Variants in DLGAP2 observed in about 807,000 individuals in gnomAD.
The protein encoded by DLGAP2 is disks large-associated protein 2.
A neutral mutation model predicts 100.3 loss-of-function variants in DLGAP2; 26 were observed. The observed-to-expected ratio is 0.26, with a 90% CI of 0.19 to 0.36. DLGAP2 has a LOEUF of 0.36. DLGAP2 is among the 10% of genes least tolerant of loss of function. The probability of loss-of-function intolerance (pLI) is 1.00; values close to 1 mark genes in which losing one functional copy is unlikely to be tolerated. For missense variants in DLGAP2, 1,858 were observed against 1,453.2 expected (o/e 1.28, Z -4.53); for synonymous variants, 886 against 630.1 (o/e 1.41, Z -6.08).
chr8:1,191,382 G>C (rs1300619191), intron 2 of DLGAP2, among the ~76,000 whole-genome samples: 5 of 152,074 alleles, frequency 3.3e-5, no homozygotes, highest in African/African-American at 7.3e-5. Flanking sequence ...GTGTTAGCCA[G>C]GATGGTCTTG....
chr8:1,150,290 T>C (rs1228246451), intron 2 of DLGAP2, among the ~76,000 whole-genome samples: 1 of 152,254 alleles, frequency 6.6e-6, no homozygotes, highest in Non-Finnish European at 1.5e-5. Flanking sequence ...TTTAAAGCTG[T>C]CATTACACTG....
chr8:1,480,570 C>A (rs1799061600), intron 3 of DLGAP2, among the ~76,000 whole-genome samples: 1 of 152,184 alleles, frequency 6.6e-6, no homozygotes, highest in African/African-American at 2.4e-5. Context: ...AAAGAACAGG[C>A]TGGACGCAGT....
chr8:1,320,754 G>A (rs1186086772), intron 3 of DLGAP2, among the ~76,000 whole-genome samples: 3 of 152,174 alleles, frequency 2.0e-5, no homozygotes, highest in Middle Eastern at 3.2e-3. Context: ...CAACTCCTGC[G>A]GTCTTCCCCC....
intron 6 of DLGAP2, among the ~76,000 whole-genome samples, chr8:1,589,795 C>T (rs1796236869): frequency 6.6e-6 from 1 of 152,154 alleles, no homozygotes; most frequent in African/African-American, 2.4e-5. Context: ...ACCGGGGAAT[C>T]CCTTGCCTTG....
At chr8:1,070,344 A>T (rs1405170671) in intron 2 of DLGAP2, among the ~76,000 whole-genome samples, 2 of 152,190 alleles carry the variant, frequency 1.3e-5, no homozygotes, top group Non-Finnish European at 2.9e-5. Flanking sequence ...CCTGGTGAGC[A>T]GCGGCTGACA....
chr8:846,288 T>C (rs1797070269), intron 1 of DLGAP2, among the ~76,000 whole-genome samples: 1 of 152,166 alleles, frequency 6.6e-6, no homozygotes, highest in African/African-American at 2.4e-5. Flanking sequence ...TGCCATCTCC[T>C]CCTCCCACAC....
chr8:1,163,705 G>A (rs1022007207), intron 2 of DLGAP2, among the ~76,000 whole-genome samples: 24 of 152,226 alleles, frequency 1.6e-4, no homozygotes, highest in Non-Finnish European at 2.1e-4. Context: ...TAATGACTGG[G>A]CACATTCGGT....
intron 2 of DLGAP2, among the ~76,000 whole-genome samples, chr8:1,054,772 A>G (rs1425067896): frequency 2.6e-5 from 4 of 152,172 alleles, no homozygotes; most frequent in Non-Finnish European, 5.9e-5. Context: ...ACTGGACAAG[A>G]CCTTAAAAAA....
chr8:1,450,613 T>A (rs1048742545), intron 3 of DLGAP2, among the ~76,000 whole-genome samples: 12 of 151,860 alleles, frequency 7.9e-5, no homozygotes, highest in Admixed American at 3.9e-4. Context: ...CTGCCTACCT[T>A]TTTTCCTTTC....
intron 2 of DLGAP2, among the ~76,000 whole-genome samples, chr8:1,216,681 C>G (rs1166624929): frequency 6.6e-6 from 1 of 151,930 alleles, no homozygotes; most frequent in Admixed American, 6.6e-5. Flanking sequence ...TAGTTTTTGC[C>G]TTAAACTGCA....
At chr8:1,340,301 C>T (rs747932815) in intron 3 of DLGAP2, among the ~76,000 whole-genome samples, 69 of 152,248 alleles carry the variant, frequency 4.5e-4, no homozygotes, top group Admixed American at 7.2e-4. Context: ...AAACAGGCAA[C>T]CTACAGAATG....
chr8:1,538,767 C>G (rs1452456808), intron 4 of DLGAP2, among the ~76,000 whole-genome samples: 2 of 152,150 alleles, frequency 1.3e-5, no homozygotes, highest in Admixed American at 6.5e-5. Flanking sequence ...GTGGCCACAG[C>G]CACTCAGAAC....
chr8:985,209 G>C (rs888371956), intron 2 of DLGAP2, among the ~76,000 whole-genome samples: 5 of 152,192 alleles, frequency 3.3e-5, no homozygotes, highest in South Asian at 2.1e-4. Context: ...CAGTGGAAAT[G>C]AGTCAAGATA....
In DLGAP2 at chr8:1,600,286, T is replaced by C. The variant is rs564205879; in HGVS notation, c.1443-26454T>C. Among the ~76,000 whole-genome samples, 4 of 152,328 alleles carry C rather than the reference T, an allele frequency of 2.6e-5. No homozygotes were observed. The South Asian group carries it at 8.3e-4, about 32-fold the overall frequency. ...CCCTTTGTGGGTAACCTGACCTTTCTCTCTGGCTGCCCTTATCATTTTTTC... is the reference window on the plus strand; with the variant it reads ...CCCTTTGTGGGTAACCTGACCTTTCCCTCTGGCTGCCCTTATCATTTTTTC... On this transcript the variant is annotated intron_variant, in intron 6 of 14. Coordinates refer to ENST00000637795, the MANE Select transcript of DLGAP2 (RefSeq NM_001346810.2).
At chr8:1,153,178 C>G (rs564741446) in intron 2 of DLGAP2, among the ~76,000 whole-genome samples, 10 of 152,214 alleles carry the variant, frequency 6.6e-5, no homozygotes, top group Non-Finnish European at 1.2e-4. Flanking sequence ...TTTCCAGGCT[C>G]CGAGCGGTGT....
At chr8:1,662,999 G>C (rs1462795139) in intron 8 of DLGAP2, among the ~76,000 whole-genome samples, 1 of 150,424 alleles carries the variant, frequency 6.6e-6, no homozygotes, top group Non-Finnish European at 1.5e-5. Context: ...GTGTGAGTGT[G>C]GGGTGTGTGT....
intron 1 of DLGAP2, among the ~76,000 whole-genome samples, chr8:828,084 A>G (rs999410256): frequency 6.6e-6 from 1 of 152,156 alleles, no homozygotes; most frequent in Non-Finnish European, 1.5e-5. Flanking sequence ...ATCACAAGGC[A>G]AGTGGAGGCA....
At chr8:1,592,503 G>T (rs570090915) in intron 6 of DLGAP2, among the ~76,000 whole-genome samples, 3 of 151,912 alleles carry the variant, frequency 2.0e-5, no homozygotes, top group Non-Finnish European at 2.9e-5. Context: ...TCTGGAAAGC[G>T]GTCCCCAAAT....
At position 1,008,677 on chromosome 8, in the gene DLGAP2, C is replaced by T. The variant is rs1030229472; in HGVS notation, c.73+100711C>T. 5.9e-5 allele frequency among the ~76,000 whole-genome samples: 9 copies of T among 152,214 alleles called. No individual in the cohort carries two copies. The East Asian group carries it at 1.2e-3, about 20-fold the overall frequency. ...GTAATTAAGCTGGAGAACAGCTGTCCGCCTCTGCAGGAGGACTGGTACTCA... is the reference window on the plus strand; with the variant it reads ...GTAATTAAGCTGGAGAACAGCTGTCTGCCTCTGCAGGAGGACTGGTACTCA... On this transcript the variant is annotated intron_variant, in intron 2 of 14. Coordinates refer to ENST00000637795, the MANE Select transcript of DLGAP2 (RefSeq NM_001346810.2).
Sources: allele counts gnomAD v4.1 joint callset (sites outside exome capture counted in the v4.1 genomes callset), GRCh38; gene constraint gnomAD v4.1.1; transcripts MANE v1.5; gene names NCBI Gene and HGNC (gene_info 2026-07-23, HGNC 2026-07-21).